TRIP11: variants seen among roughly 807,000 people sequenced by gnomAD.
TRIP11 encodes the protein thyroid receptor-interacting protein 11.
TRIP11 carries 148 observed loss-of-function variants against 223.1 expected under a neutral mutation model. The ratio of observed to expected loss-of-function variants is 0.66; its 90% CI spans 0.58 to 0.76. The LOEUF (loss-of-function observed/expected upper bound fraction) is 0.76. Ranked by LOEUF, TRIP11 falls within the 30% of genes least tolerant of loss-of-function variation. The probability of loss-of-function intolerance (pLI) is 0.00; values close to 1 mark genes in which losing one functional copy is unlikely to be tolerated. For synonymous variants in TRIP11, 762 were observed against 772.6 expected, an observed-to-expected ratio of 0.99 and a Z score of 0.23; for missense variants, 2,043 against 2,222.0, an observed-to-expected ratio of 0.92 and a Z score of 1.62.
At chr14:92,009,007 T>C (rs2056939664) in intron 9 of TRIP11, among the ~76,000 whole-genome samples, 1 of 152,252 alleles carries the variant, frequency 6.6e-6, no homozygotes, top group Non-Finnish European at 1.5e-5. Flanking sequence ...ATAAAAGCTA[T>C]ACTAGAGTAT....
At chr14:91,975,357 A>G in intron 17 of TRIP11, 71 bp from the exon 18 acceptor site, 1 of 909,114 alleles carries the variant, frequency 1.1e-6, no homozygotes, top group South Asian at 1.4e-5. Flanking sequence ...AAGCATAGAA[A>G]TATTTAATTA....
intron 13 of TRIP11, among the ~76,000 whole-genome samples, chr14:91,997,986 G>A (rs1281929754): frequency 1.3e-5 from 2 of 152,116 alleles, no homozygotes; most frequent in African/African-American, 4.8e-5. Context: ...ATAGCCAAAT[G>A]ATCACTCATT....
In TRIP11 at chr14:91,978,747, C is replaced by T. The variant is rs1232203105; in HGVS notation, c.5261-2558G>A. 6.6e-6 allele frequency among the ~76,000 whole-genome samples: 1 copy of T among 152,138 alleles called. No individual in the cohort carries two copies. Among genetic ancestry groups the T allele is most frequent in the Admixed American group, 6.6e-5 (1 of 15,266 alleles). On this transcript the variant is annotated intron_variant, in intron 16 of 20. Transcript: ENST00000267622. This position sits in a 1 kb window ranked among gnomAD's most constrained non-coding sequence, Gnocchi z 4.4. The stretch of plus-strand genomic sequence containing the variant: ...CTCCTGCGTTCAAGTAATTCTCCTG[C>T]CATAGCCTTCCAAAATGTTGGGATT...
chr14:91,981,791 T>C (rs1219709133), intron 16 of TRIP11, among the ~76,000 whole-genome samples: 2 of 152,236 alleles, frequency 1.3e-5, no homozygotes, highest in Non-Finnish European at 2.9e-5. Flanking sequence ...ATAATCATAA[T>C]TGTTCACTGC....
chr14:92,010,517 C>T (rs930155767), intron 9 of TRIP11, among the ~76,000 whole-genome samples: 3 of 151,478 alleles, frequency 2.0e-5, no homozygotes, highest in South Asian at 2.1e-4. Flanking sequence ...GCAACAAGAG[C>T]GAAACTCCAT....
At chr14:92,020,654 T>A (rs1475808408) in intron 4 of TRIP11, among the ~76,000 whole-genome samples, 3 of 150,096 alleles carry the variant, frequency 2.0e-5, no homozygotes, top group Non-Finnish European at 4.4e-5. Flanking sequence ...TTTCCTCTCA[T>A]GTTTTATTAA....
chr14:91,994,057 G>A (rs45584233), intron 14 of TRIP11, 145 bp from the exon 15 acceptor site: 24 of 670,532 alleles, frequency 3.6e-5, no homozygotes, highest in Non-Finnish European at 5.5e-5. Context: ...ATAATGTTAA[G>A]CGGTACTAAA....
chr14:91,988,205 T>C, intron 16 of TRIP11, 79 bp downstream of exon 16: 1 of 1,175,106 alleles, frequency 8.5e-7, no homozygotes, highest in Non-Finnish European at 1.2e-6. Context: ...CACTCAACTA[T>C]GCCAATTTAT....
chr14:92,023,025 T>G (rs1402207909), intron 3 of TRIP11, among the ~76,000 whole-genome samples: 1 of 152,214 alleles, frequency 6.6e-6, no homozygotes, highest in African/African-American at 2.4e-5. Flanking sequence ...ATCCACATCT[T>G]TTTCAAATGT....
chr14:92,038,300 C>T lies in TRIP11; in HGVS notation c.139+1247G>A, dbSNP rs530193398. 9.9e-5 allele frequency among the ~76,000 whole-genome samples: 15 copies of T among 152,132 alleles called. No homozygotes were observed. In the South Asian group the frequency reaches 2.9e-3, roughly 29 times the overall value. ...GCTTAGGGTCTAAGGAACAGCCAAC[C>T]GTTTTCCCCTATCTAGGATACAAGG... On this transcript the variant is annotated intron_variant, in intron 1 of 20. Transcript: ENST00000267622.
rs754442973 is a variant in TRIP11 at position 92,004,786 on chromosome 14, T to C, written c.3190A>G (p.Lys1064Glu). ...TGAAGAGCTTGTATCTCCAAATCTTTCTGCTGAATAATCTGAGTTAGTTTA... is the reference window on the plus strand; with the variant it reads ...TGAAGAGCTTGTATCTCCAAATCTTCCTGCTGAATAATCTGAGTTAGTTTA... ...VGKLTQIIQQ[K>E]DLEIQALHAR... Residue 1064 changes from lysine (K) to glutamate (E), a missense_variant, in exon 11 of 21, where the codon AAA becomes GAA. Transcript: ENST00000267622. 1 of 1,614,172 alleles carries C rather than the reference T, an allele frequency of 6.2e-7. No individual in the cohort carries two copies. Among genetic ancestry groups the C allele is most frequent in the South Asian group, 1.1e-5 (1 of 91,082 alleles).
intron 16 of TRIP11, among the ~76,000 whole-genome samples, chr14:91,981,441 G>C (rs1446678858): frequency 1.3e-5 from 2 of 152,126 alleles, no homozygotes; most frequent in East Asian, 1.9e-4. Context: ...CCAGGCTGTA[G>C]TGCAGTGGCA....
intron 11 of TRIP11, among the ~76,000 whole-genome samples, chr14:92,002,175 C>T (rs376432092): frequency 6.6e-6 from 1 of 152,152 alleles, no homozygotes; most frequent in South Asian, 2.1e-4. Flanking sequence ...CACTGCCAAA[C>T]AAGCCCTACA....
chr14:92,030,878 G>A (rs144584277), intron 2 of TRIP11: 44 of 146,992 alleles, frequency 3.0e-4, no homozygotes, highest in Middle Eastern at 6.9e-3. Flanking sequence ...TGAAATTATA[G>A]AGCAAAGATG....
At chr14:92,013,313 G>A (rs1281808814) in intron 7 of TRIP11, among the ~76,000 whole-genome samples, 1 of 152,040 alleles carries the variant, frequency 6.6e-6, no homozygotes, top group Non-Finnish European at 1.5e-5. Flanking sequence ...TTTACTATTG[G>A]CTAGACACTA....
chr14:92,025,865 C>T (rs1346678747), intron 2 of TRIP11, among the ~76,000 whole-genome samples: 4 of 140,264 alleles, frequency 2.9e-5, no homozygotes, highest in East Asian at 2.0e-4. Flanking sequence ...GGTGACAGAG[C>T]GAGACTCCGT....
Position 91,967,135 on chromosome 14 carries a change from C to CTTTTTTTTTTTTTTTTTTTTTTTTTTTTT in TRIP11, c.*2537_*2538insAAAAAAAAAAAAAAAAAAAAAAAAAAAAA, listed in dbSNP as rs547805058. 3 of 85,340 alleles carry CTTTTTTTTTTTTTTTTTTTTTTTTTTTTT rather than the reference C, an allele frequency of 3.5e-5. No homozygotes were observed. Among genetic ancestry groups the CTTTTTTTTTTTTTTTTTTTTTTTTTTTTT allele is most frequent in the African/African-American group, 1.2e-4 (2 of 16,432 alleles). 5.3% of individuals were successfully genotyped at this position (85,340 alleles called of 1,614,324 possible). On this transcript the variant is annotated 3_prime_UTR_variant, in exon 21 of 21. Coordinates refer to ENST00000267622, the MANE Select transcript of TRIP11 (RefSeq NM_004239.4). The stretch of plus-strand genomic sequence containing the variant: ...ACAATGAAAACATTAGGTACTATAG[C>CTTTTTTTTTTTTTTTTTTTTTTTTTTTTT]TTTTTTTTTTTTTTTTTTTTTTTTG...
At chr14:91,976,308 TG>T (rs1469900708) in intron 16 of TRIP11, 119 bp from the exon 17 acceptor site, 19 of 863,418 alleles carry the variant, frequency 2.2e-5, no homozygotes, top group Non-Finnish European at 3.1e-5. Context: ...TTATTCTAAT[TG>T]GGAATATTCA....
chr14:92,000,953 T>C (rs2056818390), intron 11 of TRIP11, among the ~76,000 whole-genome samples: 1 of 151,432 alleles, frequency 6.6e-6, no homozygotes, highest in Non-Finnish European at 1.5e-5. Flanking sequence ...CTCCGCCTCC[T>C]GGGTTCAAGC....
Sources: gnomAD v4.1 joint callset for allele counts (sites outside exome capture counted in the v4.1 genomes callset) on GRCh38, gnomAD v4.1.1 for gene constraint, Gnocchi (gnomAD v3.1) non-coding constraint, MANE v1.5 for transcripts, NCBI Gene and HGNC (gene_info 2026-07-23, HGNC 2026-07-21) for gene names.